The following NEDD4L variants were observed in gnomAD, a reference collection of about 807,000 sequenced individuals.
NEDD4L encodes E3 ubiquitin-protein ligase NEDD4-like.
In NEDD4L, 54 loss-of-function variants were observed where a neutral mutation model predicts 148.9. The observed-to-expected ratio is 0.36, with a 90% CI of 0.29 to 0.45. The LOEUF is 0.45. NEDD4L is among the 20% of genes least tolerant of loss of function. The pLI, the probability that NEDD4L is intolerant of heterozygous loss-of-function variation, is 1.00. For synonymous variants in NEDD4L, 433 were observed against 440.7 expected (o/e 0.98, Z 0.22); for missense variants, 856 against 1,233.8 (o/e 0.69, Z 4.59).
intron 1 of NEDD4L, among the ~76,000 whole-genome samples, chr18:58,100,785 A>C (rs2084701274): frequency 6.7e-6 from 1 of 150,212 alleles, no homozygotes; most frequent in Non-Finnish European, 1.5e-5. Context: ...GCAGAAAAGA[A>C]AGAATGTTTT....
chr18:58,336,266 G>A (rs770002296), intron 13 of NEDD4L, among the ~76,000 whole-genome samples: 16 of 152,004 alleles, frequency 1.1e-4, no homozygotes, highest in Admixed American at 2.6e-4. Flanking sequence ...TTTATGCTTC[G>A]CACTGCAATA....
At chr18:58,345,946 A>G (rs1362229449) in intron 16 of NEDD4L, among the ~76,000 whole-genome samples, 1 of 145,042 alleles carries the variant, frequency 6.9e-6, no homozygotes, top group Admixed American at 7.4e-5. Context: ...TTTAGCACAG[A>G]CAGGGTTTCA....
At chr18:58,355,340 A>G (rs1318693991) in intron 18 of NEDD4L, among the ~76,000 whole-genome samples, 1 of 152,210 alleles carries the variant, frequency 6.6e-6, no homozygotes, top group African/African-American at 2.4e-5. Context: ...GATACTGCAC[A>G]TTGGAATGTA....
intron 29 of NEDD4L, among the ~76,000 whole-genome samples, 170 bp from the exon 30 acceptor site, chr18:58,391,317 C>T (rs1047284364): frequency 1.3e-5 from 2 of 152,188 alleles, no homozygotes; most frequent in African/African-American, 4.8e-5. Context: ...GTTGTGCAGA[C>T]CTCTGGCTTC....
chr18:58,094,248 G>A (rs1218641851), intron 1 of NEDD4L, among the ~76,000 whole-genome samples: 4 of 151,064 alleles, frequency 2.6e-5, no homozygotes, highest in East Asian at 1.9e-4. Flanking sequence ...GTGGTGGCGC[G>A]ATCATAGCTT....
chr18:58,124,063 G>A lies in NEDD4L; in HGVS notation c.49-41725G>A, dbSNP rs189964602. ...CACTGCCCCTGTTGTGCCTCACTCC[G>A]TAGAAAGAAGTGACCTGTAGAGACT... On this transcript the variant is annotated intron_variant, in intron 1 of 30. Transcript: ENST00000400345. Among the ~76,000 whole-genome samples the A allele has an allele frequency of 2.6e-3, 402 of 152,254 alleles. 4 individuals are homozygous for A. Among genetic ancestry groups the A allele is most frequent in the Non-Finnish European group, 1.2e-3 (79 of 68,022 alleles).
At position 58,109,561 on chromosome 18, in the gene NEDD4L, G is replaced by GTT. The variant is rs772954089; in HGVS notation, c.49-56218_49-56217dup. ...CACAGGCTTTGGGAACAACTAGGAG[G>GTT]TTTTTTTTTTGTTTTTTTTTTTTTT... On this transcript the variant is annotated intron_variant, in intron 1 of 30. Transcript: ENST00000400345. Among the ~76,000 whole-genome samples, 119 of 135,948 alleles carry GTT rather than the reference G, an allele frequency of 8.8e-4. 3 individuals carry two copies. The highest frequency in any genetic ancestry group is 2.6e-3 in the African/African-American group (93 of 35,130). 89.2% of individuals were successfully genotyped at this position (135,948 alleles called of 152,430 possible). A position where few individuals can be genotyped will look rare whatever the true frequency, so the allele number is the denominator to read the frequency against.
intron 1 of NEDD4L, among the ~76,000 whole-genome samples, chr18:58,108,502 C>A (rs1370433365): frequency 6.6e-6 from 1 of 152,136 alleles, no homozygotes; most frequent in Non-Finnish European, 1.5e-5. Context: ...CTCACTGCAA[C>A]CTCCGCCTCC....
chr18:58,325,327 A>G (rs1205820343), intron 9 of NEDD4L, among the ~76,000 whole-genome samples, 165 bp downstream of exon 9: 1 of 152,270 alleles, frequency 6.6e-6, no homozygotes, highest in Non-Finnish European at 1.5e-5. Flanking sequence ...ATGCAAGAGC[A>G]GTCAGAACTT....
chr18:58,070,652 TTATAAACCA>T (rs2082819875), intron 1 of NEDD4L, among the ~76,000 whole-genome samples: 1 of 152,032 alleles, frequency 6.6e-6, no homozygotes. Context: ...TAAGGTAGAA[TTATAAACCA>T]TTCAGCAGAG....
At chr18:58,102,818 C>T (rs1389373652) in intron 1 of NEDD4L, among the ~76,000 whole-genome samples, 2 of 152,050 alleles carry the variant, frequency 1.3e-5, no homozygotes, top group Non-Finnish European at 2.9e-5. Context: ...TTTTAGTATC[C>T]TCAGGTGTCC....
rs767083778 is a variant in NEDD4L at position 58,333,799 on chromosome 18, T to C, written c.991-19T>C. On this transcript the variant is annotated intron_variant, in intron 11 of 30. Transcript: ENST00000400345. The stretch of plus-strand genomic sequence containing the variant: ...AGAATATATTTCTTGATGCTTCCTG[T>C]CTTTTCCTCTCCTTCCAGCAAAGAG... The C allele has an allele frequency of 2.5e-6, 4 of 1,600,018 alleles. No individual in the cohort carries two copies. The highest frequency in any genetic ancestry group is 1.3e-5 in the African/African-American group (1 of 74,612).
chr18:58,202,096 A>G (rs1021006080), intron 2 of NEDD4L, among the ~76,000 whole-genome samples: 1 of 152,160 alleles, frequency 6.6e-6, no homozygotes, highest in African/African-American at 2.4e-5. Context: ...GTAACCTTTT[A>G]TTCTCTAAAG....
At chr18:58,338,177 A>C (rs1260241096) in intron 13 of NEDD4L, among the ~76,000 whole-genome samples, 2 of 152,258 alleles carry the variant, frequency 1.3e-5, no homozygotes, top group Admixed American at 1.3e-4. Context: ...ACAAAGCAGT[A>C]GTGTATTCAG....
chr18:58,056,907 T>TTTG (rs776466229), intron 1 of NEDD4L, among the ~76,000 whole-genome samples: 9,130 of 148,026 alleles, frequency 0.062, 348 homozygotes, highest in African/African-American at 0.099. Context: ...TTTTTTTTTT[T>TTTG]TTTGTTTGTT....
chr18:58,353,727 C>G (rs1210232916), intron 18 of NEDD4L, among the ~76,000 whole-genome samples: 4 of 152,240 alleles, frequency 2.6e-5, no homozygotes, highest in African/African-American at 9.6e-5. Flanking sequence ...AATGTCCTTT[C>G]TGTCAGAAGA....
At chr18:58,218,909 A>G (rs7231752) in intron 2 of NEDD4L, among the ~76,000 whole-genome samples, 5,460 of 152,182 alleles carry the variant, frequency 0.036, 288 homozygotes, top group African/African-American at 0.11. Context: ...TAGTATTGTG[A>G]AGGCAGTGGT....
chr18:58,349,697 C>T (rs2043622261), intron 17 of NEDD4L, 83 bp downstream of exon 17: 1 of 1,032,954 alleles, frequency 9.7e-7, no homozygotes, highest in Admixed American at 1.8e-5. Context: ...GCCCTGTGGA[C>T]CTTCTCTATC....
intron 2 of NEDD4L, among the ~76,000 whole-genome samples, chr18:58,189,469 G>A (rs2039857428): frequency 6.6e-6 from 1 of 152,178 alleles, no homozygotes; most frequent in Non-Finnish European, 1.5e-5. Flanking sequence ...TATTTAACCT[G>A]TACAGCTAGA....
Sources: allele counts gnomAD v4.1 joint callset (sites outside exome capture counted in the v4.1 genomes callset), GRCh38; gene constraint gnomAD v4.1.1; transcripts MANE v1.5; gene names NCBI Gene and HGNC (gene_info 2026-07-23, HGNC 2026-07-21).